The following FHIT variants were observed in gnomAD, a reference collection of about 807,000 sequenced individuals.
FHIT encodes bis(5'-adenosyl)-triphosphatase.
A neutral mutation model predicts 17.9 loss-of-function variants in FHIT; 19 were observed. That is an observed-to-expected ratio of 1.06 (90% CI 0.74 to 1.56). The LOEUF is 1.56. Among genes scored for constraint, FHIT ranks in the 40% most tolerant of loss-of-function variants. The pLI is 0.00. For missense variants in FHIT, 248 were observed against 189.2 expected (o/e 1.31, Z -1.82); for synonymous variants, 81 against 69.7 (o/e 1.16, Z -0.81).
chr3:59,909,275 G>A (rs1169378450), intron 8 of FHIT, among the ~76,000 whole-genome samples: 2 of 151,690 alleles, frequency 1.3e-5, no homozygotes, highest in South Asian at 2.1e-4. Context: ...CTCATGATCC[G>A]CCTGCCTTGG....
chr3:60,502,664 C>T (rs2107526658), intron 5 of FHIT, among the ~76,000 whole-genome samples: 1 of 152,216 alleles, frequency 6.6e-6, no homozygotes, highest in Non-Finnish European at 1.5e-5. Flanking sequence ...TTGTGTTAAG[C>T]ACTCAATAGA....
At chr3:61,013,350 C>T (rs967215127) in intron 3 of FHIT, among the ~76,000 whole-genome samples, 1 of 152,154 alleles carries the variant, frequency 6.6e-6, no homozygotes, top group African/African-American at 2.4e-5. Context: ...ATATGATAAA[C>T]TTTCCAAACA....
intron 8 of FHIT, among the ~76,000 whole-genome samples, chr3:59,817,323 A>G (rs940343231): frequency 1.3e-5 from 2 of 152,124 alleles, no homozygotes; most frequent in Non-Finnish European, 2.9e-5. Context: ...CACATGTTAC[A>G]TGTTATTACC....
chr3:59,994,457 G>C (rs1361349609), intron 7 of FHIT, among the ~76,000 whole-genome samples: 1 of 152,012 alleles, frequency 6.6e-6, no homozygotes, highest in East Asian at 1.9e-4. Flanking sequence ...CCTGGAATTT[G>C]AAAAGGCAAA....
intron 8 of FHIT, among the ~76,000 whole-genome samples, chr3:59,838,659 G>A (rs1228396589): frequency 6.6e-6 from 1 of 152,196 alleles, no homozygotes; most frequent in Non-Finnish European, 1.5e-5. Flanking sequence ...AGCAAGCGGT[G>A]AGAGTTTTGA....
At chr3:60,722,884 A>AGC (rs1317560935) in intron 4 of FHIT, among the ~76,000 whole-genome samples, 1 of 151,846 alleles carries the variant, frequency 6.6e-6, no homozygotes, top group Non-Finnish European at 1.5e-5. Context: ...CGCCACATCC[A>AGC]GCGAATTTTT....
At chr3:60,040,253 CT>C (rs920594221) in intron 5 of FHIT, among the ~76,000 whole-genome samples, 4 of 152,050 alleles carry the variant, frequency 2.6e-5, no homozygotes, top group African/African-American at 9.7e-5. Flanking sequence ...TCAAGCAATT[CT>C]CCTGCTTCAG....
At chr3:61,222,847 G>T (rs1009700363) in intron 1 of FHIT, among the ~76,000 whole-genome samples, 1 of 152,170 alleles carries the variant, frequency 6.6e-6, no homozygotes, top group South Asian at 2.1e-4. Context: ...TTTTGATGCT[G>T]GGACAGACTT....
chr3:60,976,095 T>C (rs1301773347), intron 3 of FHIT, among the ~76,000 whole-genome samples: 2 of 131,440 alleles, frequency 1.5e-5, no homozygotes, highest in Non-Finnish European at 3.2e-5. Context: ...TTTTTCTTTT[T>C]CTTTTTTTTT....
chr3:61,104,549 GGAT>G (rs938763952), intron 2 of FHIT, among the ~76,000 whole-genome samples: 23 of 151,980 alleles, frequency 1.5e-4, no homozygotes, highest in African/African-American at 5.3e-4. Context: ...TGTGTTTTGG[GGAT>G]GATCTTCTTG....
chr3:60,370,505 T>C (rs1273727351), intron 5 of FHIT, among the ~76,000 whole-genome samples: 1 of 152,192 alleles, frequency 6.6e-6, no homozygotes, highest in Non-Finnish European at 1.5e-5. Context: ...GATATCCACC[T>C]TGAATTCAAA....
chr3:60,961,292 C>A lies in FHIT; in HGVS notation c.-111+80755G>T, dbSNP rs532018692. Among the ~76,000 whole-genome samples, 20 of 152,046 alleles carry A rather than the reference C, an allele frequency of 1.3e-4. No individual in the cohort carries two copies. The East Asian group carries it at 3.7e-3, about 28-fold the overall frequency. On this transcript the variant is annotated intron_variant, in intron 3 of 9. Transcript: ENST00000492590. Reference sequence around the variant, plus strand: ...TTTTGATGGGGTTGTTTGTTTTTTTCTTGTAAATTTAAGTTCTTTGTAGAT... The same window carrying A: ...TTTTGATGGGGTTGTTTGTTTTTTTATTGTAAATTTAAGTTCTTTGTAGAT...
At chr3:60,857,922 C>T (rs1703454161) in intron 3 of FHIT, among the ~76,000 whole-genome samples, 1 of 152,144 alleles carries the variant, frequency 6.6e-6, no homozygotes, top group African/African-American at 2.4e-5. Flanking sequence ...AAGATTCCAT[C>T]TCTTAAAAGG....
chr3:60,034,650 A>G (rs1268247747), intron 5 of FHIT, among the ~76,000 whole-genome samples: 2 of 152,198 alleles, frequency 1.3e-5, no homozygotes, highest in Non-Finnish European at 2.9e-5. Context: ...AATATTGGTG[A>G]CCTTATCCAG....
At chr3:60,604,183 A>G (rs1219180354) in intron 4 of FHIT, among the ~76,000 whole-genome samples, 1 of 152,184 alleles carries the variant, frequency 6.6e-6, no homozygotes, top group Non-Finnish European at 1.5e-5. Context: ...GAAAGTGCAC[A>G]GGTGAGTCTG....
At chr3:60,427,014 T>A (rs889920973) in intron 5 of FHIT, among the ~76,000 whole-genome samples, 1 of 152,076 alleles carries the variant, frequency 6.6e-6, no homozygotes, top group African/African-American at 2.4e-5. Flanking sequence ...GTAATTAGGA[T>A]GCCAAAATCA....
chr3:60,534,951 C>T (rs983115227), intron 5 of FHIT, among the ~76,000 whole-genome samples: 3 of 152,194 alleles, frequency 2.0e-5, no homozygotes, highest in African/African-American at 7.2e-5. Context: ...GTTAAAAAGT[C>T]TGAAATATCA....
intron 1 of FHIT, among the ~76,000 whole-genome samples, chr3:61,226,317 C>T (rs1560094426): frequency 6.6e-6 from 1 of 152,156 alleles, no homozygotes; most frequent in Non-Finnish European, 1.5e-5. Context: ...AGGCTCCACA[C>T]CTGCAGTTCT....
At chr3:60,183,131 C>G (rs1010404019) in intron 5 of FHIT, among the ~76,000 whole-genome samples, 4 of 152,110 alleles carry the variant, frequency 2.6e-5, no homozygotes, top group African/African-American at 9.7e-5. Flanking sequence ...GGCACGGTGG[C>G]TCACACCTGC....
Sources: gnomAD v4.1 joint callset for allele counts (sites outside exome capture counted in the v4.1 genomes callset) on GRCh38, gnomAD v4.1.1 for gene constraint, MANE v1.5 for transcripts, NCBI Gene and HGNC (gene_info 2026-07-23, HGNC 2026-07-21) for gene names.